The following TOP2B variants were observed in gnomAD, a reference collection of about 807,000 sequenced individuals.
TOP2B encodes DNA topoisomerase 2-beta.
TOP2B carries 51 observed loss-of-function variants against 193.5 expected under a neutral mutation model. That is an observed-to-expected ratio of 0.26 (90% CI 0.21 to 0.33). The LOEUF is 0.33. Ranked by LOEUF, TOP2B falls within the 10% of genes least tolerant of loss-of-function variation. The pLI is 1.00. For synonymous variants in TOP2B, 634 were observed against 635.7 expected, an observed-to-expected ratio of 1.00 and a Z score of 0.04; for missense variants, 1,378 against 1,909.3, an observed-to-expected ratio of 0.72 and a Z score of 5.19.
Position 25,633,943 on chromosome 3 carries a change from T to G in TOP2B, c.924A>C (p.Lys308Asn). 6.2e-7 allele frequency: 1 copy of G among 1,613,168 alleles called. No homozygotes were observed. The highest frequency in any genetic ancestry group is 8.5e-7 in the Non-Finnish European group (1 of 1,179,386). ...DKLDETGVALKVIHELANERW... is the reference protein window; with the variant it reads ...DKLDETGVALNVIHELANERW... ...TTTCATTTGCAAGCTCATGAATAACTTTCAGGGCCACCCCAGTTTCATCCA... is the reference window on the plus strand; with the variant it reads ...TTTCATTTGCAAGCTCATGAATAACGTTCAGGGCCACCCCAGTTTCATCCA... Residue 308 changes from lysine (K) to asparagine (N), a missense_variant, in exon 8 of 36, where the codon AAA becomes AAC. Lys to Asn is a moderately conservative substitution (Grantham distance 94). Around this residue, in one of 9 missense-constraint regions of TOP2B, gnomAD observed 222 missense variants for 306.6 expected, o/e 0.72. Coordinates refer to ENST00000264331, the MANE Select transcript of TOP2B (RefSeq NM_001330700.2).
At chr3:25,639,178 A>C in intron 4 of TOP2B, among the ~76,000 whole-genome samples, 1 of 152,220 alleles carries the variant, frequency 6.6e-6, no homozygotes, top group Middle Eastern at 3.2e-3. Flanking sequence ...AAAAAAAGAA[A>C]TGTCTACATA....
At position 25,630,420 on chromosome 3, in the gene TOP2B, A is replaced by G; in HGVS notation, c.1455T>C (p.Ser485=). Residue 485 remains serine (S), a synonymous_variant, in exon 12 of 36, where the codon TCT becomes TCC. Transcript: ENST00000264331. ...ECTLILTEGD[S]AKSLAVSGLG... The stretch of plus-strand genomic sequence containing the variant: ...ATCCAGACACAGCCAGTGATTTGGC[A>G]GAGTCTCCCTCTGTTAATATCAGTG... 6.4e-7 allele frequency: 1 copy of G among 1,553,044 alleles called. No individual in the cohort carries two copies. The highest frequency in any genetic ancestry group is 8.7e-7 in the Non-Finnish European group (1 of 1,147,374).
rs1702913629 is a variant in TOP2B at position 25,630,083 on chromosome 3, A to G, written c.1635T>C (p.Asp545=). 2.5e-6 allele frequency: 4 copies of G among 1,607,930 alleles called. No individual in the cohort carries two copies. The highest frequency in any genetic ancestry group is 3.4e-6 in the Non-Finnish European group (4 of 1,177,034). Residue 545 remains aspartate, a synonymous_variant, in exon 13 of 36, where the codon GAT becomes GAC. Coordinates refer to ENST00000264331, the MANE Select transcript of TOP2B (RefSeq NM_001330700.2). ...VGLQYKKSYD[D]AESLKTLRYG... The stretch of plus-strand genomic sequence containing the variant: ...AGCGTAAGGTTTTCAGAGATTCTGC[A>G]TCATCGTAACTTTTCTTATATTGTA...
Position 25,638,352 on chromosome 3 carries a change from A to G in TOP2B, c.396-42T>C, listed in dbSNP as rs13067229. ...AAAAAAAAAAAAAAAAAAAAAAAAA[A>G]GCAGAATTTAGAGCTTAAAATAGTA... is the stretch of plus-strand genomic sequence containing the variant. On this transcript the variant is annotated intron_variant, in intron 4 of 35. Coordinates refer to ENST00000264331, the MANE Select transcript of TOP2B (RefSeq NM_001330700.2). 8.1e-6 allele frequency: 11 copies of G among 1,366,190 alleles called. No homozygotes were observed. In the African/African-American group the frequency reaches 1.1e-4, roughly 13 times the overall value. 84.6% of individuals were successfully genotyped at this position (1,366,190 alleles called of 1,614,324 possible). A position where few individuals can be genotyped will look rare whatever the true frequency, so the allele number is the denominator to read the frequency against.
intron 18 of TOP2B, among the ~76,000 whole-genome samples, chr3:25,625,828 T>C (rs545335833): frequency 6.6e-6 from 1 of 152,216 alleles, no homozygotes; most frequent in Non-Finnish European, 1.5e-5. Flanking sequence ...GCAACTTCTT[T>C]AAGAATTTTG....
In TOP2B at chr3:25,624,710, G is replaced by C; in HGVS notation, c.2318C>G (p.Ala773Gly). ...TCCATGATGATAAGCCGACATCTCAGCAACAGAGCCAGCCAACTGGGCAAC... is the reference window on the plus strand; with the variant it reads ...TCCATGATGATAAGCCGACATCTCACCAACAGAGCCAGCCAACTGGGCAAC... ...VKVAQLAGSV[A>G]EMSAYHHGEQ... The change falls in exon 19 of 36, where the codon GCT becomes GGT. Residue 773 changes from alanine to glycine, a missense_variant. Physicochemically the swap from Ala to Gly is moderately conservative, Grantham distance 60. Transcript: ENST00000264331. 6.2e-7 allele frequency: 1 copy of C among 1,613,786 alleles called. No homozygotes were observed. Among genetic ancestry groups the C allele is most frequent in the Non-Finnish European group, 8.5e-7 (1 of 1,179,792 alleles).
In TOP2B at chr3:25,645,430, G is replaced by A. The variant is rs1703388977; in HGVS notation, c.110C>T (p.Ser37Leu). 6.2e-7 allele frequency: 1 copy of A among 1,613,474 alleles called. No individual in the cohort carries two copies. The highest frequency in any genetic ancestry group is 8.5e-7 in the Non-Finnish European group (1 of 1,179,726). ...DQNNAAKKEE[S>L]ETANKNDSSK... The stretch of plus-strand genomic sequence containing the variant: ...AGAATCATTTTTGTTGGCAGTTTCT[G>A]ACTCTTCTTTTTTTGCAGCATTGTT... The change falls in exon 2 of 36, where the codon TCA becomes TTA. Residue 37 changes from serine to leucine, a missense_variant. By Grantham distance (145) the Ser-to-Leu change is moderately radical. Around this residue, in one of 9 missense-constraint regions of TOP2B, gnomAD observed 83 missense variants for 59.3 expected, o/e 1.40. Transcript: ENST00000264331.
intron 13 of TOP2B, 31 bp from the exon 14 acceptor site, chr3:25,629,176 T>G: frequency 7.0e-7 from 1 of 1,426,086 alleles, no homozygotes; most frequent in South Asian, 1.4e-5. Flanking sequence ...TAAAAAATGT[T>G]GTAATACTTT....
In TOP2B at chr3:25,609,305, G is replaced by C. The variant is rs755593586; in HGVS notation, c.3971C>G (p.Pro1324Arg). ...CCGTTTCTTCACTTTCTTTGCACTA[G>C]GTTTACCAGATGATGTAGGTGTTTT... is the stretch of plus-strand genomic sequence containing the variant. ...VRKTPTSSGK[P>R]SAKKVKKRNP... The change falls in exon 30 of 36, where the codon CCT (proline) becomes CGT (arginine). Residue 1324 changes from proline to arginine, a missense_variant. By Grantham distance (103) the Pro-to-Arg change is moderately radical. Transcript: ENST00000264331. 8.1e-6 allele frequency: 13 copies of C among 1,598,602 alleles called. No individual in the cohort carries two copies. Among genetic ancestry groups the C allele is most frequent in the Non-Finnish European group, 1.0e-5 (12 of 1,171,108 alleles).
Position 25,632,500 on chromosome 3 carries a change from C to T in TOP2B, c.1212G>A (p.Leu404=), listed in dbSNP as rs1702990179. 6.3e-7 allele frequency: 1 copy of T among 1,587,276 alleles called. No individual in the cohort carries two copies. The highest frequency in any genetic ancestry group is 1.4e-5 in the African/African-American group (1 of 73,644). The part of the protein sequence containing the change: ...FDSQTKENMT[L]QPKSFGSKCQ... ...ATTTAGACCCAAAACTTTTGGGCTG[C>T]AGAGTCATGTTTTCCTTAGTCTGAG... The change falls in exon 10 of 36, where the codon CTG becomes CTA. Residue 404 remains leucine (L), a synonymous_variant. Transcript: ENST00000264331.
In TOP2B at chr3:25,609,597, G is replaced by C. The variant is rs769021123; in HGVS notation, c.3902C>G (p.Pro1301Arg). ...LTPSVPINKGPKPKREKKEPG... is the reference protein window; with the variant it reads ...LTPSVPINKGRKPKREKKEPG... ...CTCCTTCTTCTCCCTCTTAGGTTTG[G>C]GACCTTTATTTATAGGAACTGATGG... The change falls in exon 29 of 36, where the codon CCC becomes CGC. Residue 1301 changes from proline (P) to arginine (R), a missense_variant. Pro to Arg is a moderately radical substitution (Grantham distance 103, BLOSUM62 -2). This residue lies in a region of TOP2B where 556 missense variants were observed against 584.2 expected (regional missense o/e 0.95). Coordinates refer to ENST00000264331, the MANE Select transcript of TOP2B (RefSeq NM_001330700.2). 2.5e-6 allele frequency: 4 copies of C among 1,603,738 alleles called. No individual in the cohort carries two copies. Among genetic ancestry groups the C allele is most frequent in the East Asian group, 2.2e-5 (1 of 44,714 alleles).
chr3:25,645,625 T>A (rs1463014643), intron 1 of TOP2B, among the ~76,000 whole-genome samples, 155 bp from the exon 2 acceptor site: 3 of 152,238 alleles, frequency 2.0e-5, no homozygotes, highest in African/African-American at 7.2e-5. Flanking sequence ...ACTGACCGTC[T>A]GGCTCTTATT....
At chr3:25,647,916 A>G (rs1703456997) in intron 1 of TOP2B, among the ~76,000 whole-genome samples, 1 of 152,216 alleles carries the variant, frequency 6.6e-6, no homozygotes, top group African/African-American at 2.4e-5. Flanking sequence ...TTCAACAATA[A>G]CAAACAATCC....
intron 35 of TOP2B, 34 bp downstream of exon 35, chr3:25,599,401 C>G (rs1702026266): frequency 6.3e-7 from 1 of 1,594,238 alleles, no homozygotes; most frequent in East Asian, 2.2e-5. Context: ...TTTTAAAAAG[C>G]CATGCACTAA....
At chr3:25,623,473 C>T in intron 21 of TOP2B, 42 bp downstream of exon 21, 2 of 1,532,596 alleles carry the variant, frequency 1.3e-6, no homozygotes, top group East Asian at 2.3e-5. Context: ...GTAGTTTACA[C>T]ATTATCATTT....
chr3:25,601,278 C>A (rs1702087677), intron 33 of TOP2B, 53 bp from the exon 34 acceptor site: 1 of 1,571,358 alleles, frequency 6.4e-7, no homozygotes, highest in South Asian at 1.2e-5. Flanking sequence ...ACAAACCAAA[C>A]TGAAGAGAGT....
intron 1 of TOP2B, among the ~76,000 whole-genome samples, chr3:25,652,700 C>A (rs183790882): frequency 1.9e-4 from 29 of 152,094 alleles, no homozygotes; most frequent in African/African-American, 6.8e-4. Context: ...CATTAACAAT[C>A]AGTAAAGATC....
chr3:25,626,925 T>G, intron 16 of TOP2B, 61 bp from the exon 17 acceptor site: 1 of 1,040,396 alleles, frequency 9.6e-7, no homozygotes, highest in Non-Finnish European at 1.4e-6. Context: ...ATTACAAAAT[T>G]AAAATGTATA....
intron 19 of TOP2B, 115 bp from the exon 20 acceptor site, chr3:25,624,560 T>C: frequency 1.3e-6 from 2 of 1,524,378 alleles, no homozygotes; most frequent in South Asian, 2.6e-5. Flanking sequence ...CTCACTAATC[T>C]GTATATTCTC....
Sources: allele counts gnomAD v4.1 joint callset (sites outside exome capture counted in the v4.1 genomes callset), GRCh38; gene constraint gnomAD v4.1.1; regional missense constraint gnomAD v4.1.1; transcripts MANE v1.5; gene names NCBI Gene and HGNC (gene_info 2026-07-23, HGNC 2026-07-21).